The following THBS4 variants were observed in gnomAD, a reference collection of about 807,000 sequenced individuals.
THBS4 encodes thrombospondin 4.
In THBS4, 90 loss-of-function variants were observed where a neutral mutation model predicts 115.7. The observed-to-expected ratio is 0.78, with a 90% CI of 0.66 to 0.93. THBS4 has a LOEUF of 0.93. Among genes scored for constraint, THBS4 ranks in the 40% least tolerant of loss-of-function variants. The pLI, the probability that THBS4 is intolerant of heterozygous loss-of-function variation, is 0.00. For synonymous variants in THBS4, 460 were observed against 479.3 expected (o/e 0.96, Z 0.53); for missense variants, 1,087 against 1,232.7 (o/e 0.88, Z 1.77).
intron 2 of THBS4, among the ~76,000 whole-genome samples, chr5:80,027,000 A>G (rs990006611): frequency 2.0e-5 from 3 of 152,258 alleles, no homozygotes; most frequent in African/African-American, 7.2e-5. Flanking sequence ...TATTTGCCAA[A>G]GACCCACCTG....
Position 80,035,404 on chromosome 5 carries a change from C to G in THBS4, c.-134C>G. 2 of 426,306 alleles carry G rather than the reference C, an allele frequency of 4.7e-6. No homozygotes were observed. Among genetic ancestry groups the G allele is most frequent in the East Asian group, 1.1e-4 (2 of 18,502 alleles). 26.4% of individuals were successfully genotyped at this position (426,306 alleles called of 1,614,324 possible). Reference sequence around the variant, plus strand: ...GACGCGAGCGCGCCCCCGACGGCAGCCCGGACGCCGAGCACGGGTCACCTG... The same window carrying G: ...GACGCGAGCGCGCCCCCGACGGCAGGCCGGACGCCGAGCACGGGTCACCTG... On this transcript the variant is annotated 5_prime_UTR_variant, in exon 1 of 22. Transcript: ENST00000350881. This position sits in a 1 kb window ranked among gnomAD's most constrained non-coding sequence, Gnocchi z 4.6.
intron 2 of THBS4, among the ~76,000 whole-genome samples, chr5:80,018,588 T>C (rs1317070022): frequency 6.6e-6 from 1 of 151,934 alleles, no homozygotes; most frequent in East Asian, 1.9e-4. Flanking sequence ...AGAGATGGGG[T>C]TTCACCATGT....
At chr5:80,003,958 G>A (rs1280840940) in intron 2 of THBS4, among the ~76,000 whole-genome samples, 1 of 152,200 alleles carries the variant, frequency 6.6e-6, no homozygotes, top group Non-Finnish European at 1.5e-5. Context: ...GCGAGGATCT[G>A]GTAGTAAGTA....
At chr5:80,070,969 G>A (rs900048719) in intron 12 of THBS4, 52 bp from the exon 13 acceptor site, 1 of 1,603,296 alleles carries the variant, frequency 6.2e-7, no homozygotes, top group South Asian at 1.1e-5. Context: ...CAACAATGGA[G>A]GAAGTGGATT....
At chr5:80,059,641 G>T in intron 6 of THBS4, 62 bp from the exon 7 acceptor site, 1 of 1,602,616 alleles carries the variant, frequency 6.2e-7, no homozygotes, top group South Asian at 1.1e-5. Context: ...ACCAAATTTT[G>T]TTTTGCCTTC....
At position 80,072,305 on chromosome 5, in the gene THBS4, C is replaced by T. The variant is rs1834092815; in HGVS notation, c.1748C>T (p.Pro583Leu). ...ATAAAAAACATTCTGGACAACTGCC[C>T]AAAATTTCCCAATCGTGACCAACGG... is the stretch of plus-strand genomic sequence containing the variant. Reference protein sequence around the residue: ...DGIKNILDNCPKFPNRDQRDK... With the variant: ...DGIKNILDNCLKFPNRDQRDK... Residue 583 changes from proline (P) to leucine (L), a missense_variant, in exon 14 of 22, where the codon CCA becomes CTA. Coordinates refer to ENST00000350881, the MANE Select transcript of THBS4 (RefSeq NM_003248.6). 6.2e-7 allele frequency: 1 copy of T among 1,614,118 alleles called. No individual in the cohort carries two copies. Among genetic ancestry groups the T allele is most frequent in the Admixed American group, 1.7e-5 (1 of 60,016 alleles).
Position 80,061,039 on chromosome 5 carries a change from T to C in THBS4, c.988-656T>C, listed in dbSNP as rs147305699. On this transcript the variant is annotated intron_variant, in intron 7 of 21. Coordinates refer to ENST00000350881, the MANE Select transcript of THBS4 (RefSeq NM_003248.6). Reference sequence around the variant, plus strand: ...AAGACGGTCTCTAGTAATCCCTCAATTGGAGAAACAACTGCATACATTTCA... The same window carrying C: ...AAGACGGTCTCTAGTAATCCCTCAACTGGAGAAACAACTGCATACATTTCA... Among the ~76,000 whole-genome samples the C allele has an allele frequency of 3.3e-3, 499 of 152,292 alleles. 5 individuals carry two copies. Among genetic ancestry groups the C allele is most frequent in the African/African-American group, 0.011 (459 of 41,564 alleles).
chr5:80,054,159 C>CTTTT (rs757155578), intron 2 of THBS4, among the ~76,000 whole-genome samples: 9 of 88,582 alleles, frequency 1.0e-4, no homozygotes, highest in East Asian at 3.2e-4. Flanking sequence ...CTTTTCTTTT[C>CTTTT]TTTTTTTTTT....
At chr5:80,024,051 C>G (rs149542986) in intron 2 of THBS4, among the ~76,000 whole-genome samples, 51 of 152,234 alleles carry the variant, frequency 3.4e-4, no homozygotes, top group African/African-American at 1.2e-3. Context: ...CATCTCCAAA[C>G]CATAGCACCC....
Position 80,035,695 on chromosome 5 carries a change from ACTTGCTCGGCCCTGTGCTCCTGTGGC to A in THBS4, c.88+78_88+103del. On this transcript the variant is annotated intron_variant, in intron 1 of 21. Transcript: ENST00000350881. The surrounding 1 kb of genome is among the most constrained non-coding windows in gnomAD (Gnocchi z 4.6). ...CCCCATCTGCTGAGTGAGTGGAGGG[ACTTGCTCGGCCCTGTGCTCCTGTGGC>A]CTTGCTCAGCCCCTCTCTGTCCCTC... 2 of 1,114,364 alleles carry A rather than the reference ACTTGCTCGGCCCTGTGCTCCTGTGGC, an allele frequency of 1.8e-6. No homozygotes were observed. Among genetic ancestry groups the A allele is most frequent in the South Asian group, 2.9e-5 (1 of 34,538 alleles). The allele number at this position is 1,114,364 out of a possible 1,614,324, so 69.0% of individuals were successfully genotyped here. A position where few individuals can be genotyped will look rare whatever the true frequency, so the allele number is the denominator to read the frequency against.
intron 2 of THBS4, among the ~76,000 whole-genome samples, chr5:80,005,146 T>C (rs1369903760): frequency 7.9e-5 from 12 of 152,210 alleles, no homozygotes; most frequent in Non-Finnish European, 1.5e-5. Context: ...TTGATATATC[T>C]TGGGACAGGG....
intron 2 of THBS4, among the ~76,000 whole-genome samples, chr5:80,043,636 C>T (rs988604189): frequency 5.3e-5 from 8 of 152,134 alleles, no homozygotes; most frequent in African/African-American, 1.2e-4. Context: ...CATCAAAGAG[C>T]AGAATTTGGT....
Position 80,070,632 on chromosome 5 carries a change from T to C in THBS4, c.1453-11T>C. 6.2e-7 allele frequency: 1 copy of C among 1,613,210 alleles called. No individual in the cohort carries two copies. The highest frequency in any genetic ancestry group is 8.5e-7 in the Non-Finnish European group (1 of 1,179,200). ...GTAGGATGTCACTCGGAACTGCATT[T>C]TCCCCCTAAGGACAACTGCAAATAT... On this transcript the variant is annotated splice_polypyrimidine_tract_variant and intron_variant, in intron 11 of 21. Transcript: ENST00000350881.
chr5:80,072,444 G>T (rs1490341467), intron 14 of THBS4, 48 bp downstream of exon 14: 2 of 1,525,494 alleles, frequency 1.3e-6, no homozygotes, highest in East Asian at 4.5e-5. Context: ...ATTCCTCTAT[G>T]CAAAGACTCA....
chr5:80,078,105 C>T lies in THBS4; in HGVS notation c.2143C>T (p.Arg715Trp), dbSNP rs760507916. Residue 715 changes from arginine to tryptophan, a missense_variant, in exon 17 of 22, where the codon CGG (arginine) becomes TGG (tryptophan). Around this residue, in one of 3 missense-constraint regions of THBS4, gnomAD observed 979 missense variants for 1,103.7 expected, o/e 0.89. Coordinates refer to ENST00000350881, the MANE Select transcript of THBS4 (RefSeq NM_003248.6). ...SDFDQDQVID[R>W]IDVCPENAEV... ...CTTTGACCAGGACCAGGTCATCGATCGGATCGACGTCTGCCCAGAGAACGC... is the reference window on the plus strand; with the variant it reads ...CTTTGACCAGGACCAGGTCATCGATTGGATCGACGTCTGCCCAGAGAACGC... 16 of 1,609,868 alleles carry T rather than the reference C, an allele frequency of 9.9e-6. No homozygotes were observed. In the Admixed American group the frequency reaches 1.5e-4, roughly 15 times the overall value.
intron 20 of THBS4, 44 bp from the exon 21 acceptor site, chr5:80,082,362 C>T (rs375989616): frequency 8.7e-6 from 14 of 1,607,192 alleles, no homozygotes; most frequent in East Asian, 2.2e-5. Context: ...CACTTTACCC[C>T]GGGTTGGATT....
chr5:80,063,403 T>TTAAG (rs199760660), intron 8 of THBS4, among the ~76,000 whole-genome samples: 3,311 of 152,258 alleles, frequency 0.022, 116 homozygotes, highest in African/African-American at 0.075. Context: ...ATAAATTTGT[T>TTAAG]TAAGTTAAGT....
chr5:80,056,253 A>AG (rs1434158485), intron 3 of THBS4, among the ~76,000 whole-genome samples: 1 of 152,204 alleles, frequency 6.6e-6, no homozygotes, highest in African/African-American at 2.4e-5. Context: ...TTTTTATGCT[A>AG]GGGGCATCAG....
intron 2 of THBS4, among the ~76,000 whole-genome samples, chr5:80,055,233 G>T (rs920053632): frequency 1.6e-4 from 25 of 151,856 alleles, no homozygotes; most frequent in African/African-American, 6.0e-4. Flanking sequence ...AAGACAGAAG[G>T]ATGACTTGAG....
Sources: allele counts gnomAD v4.1 joint callset (sites outside exome capture counted in the v4.1 genomes callset), GRCh38; gene constraint gnomAD v4.1.1; regional missense constraint gnomAD v4.1.1; non-coding constraint Gnocchi (gnomAD v3.1); transcripts MANE v1.5; gene names NCBI Gene and HGNC (gene_info 2026-07-23, HGNC 2026-07-21).